The following UBE2L3 variants were observed in gnomAD, a reference collection of about 807,000 sequenced individuals.
The protein encoded by UBE2L3 is ubiquitin-conjugating enzyme E2 L3.
A neutral mutation model predicts 17.8 loss-of-function variants in UBE2L3; 1 was observed. The ratio of observed to expected loss-of-function variants is 0.06; its 90% CI spans 0.02 to 0.27. The LOEUF is 0.27. Ranked by LOEUF, UBE2L3 falls within the 10% of genes least tolerant of loss-of-function variation. UBE2L3 has a pLI of 1.00. For missense variants in UBE2L3, 40 were observed against 192.6 expected (o/e 0.21, Z 4.69); for synonymous variants, 44 against 68.5 (o/e 0.64, Z 1.76).
At chr22:21,568,449 T>G (rs1926768103) in intron 1 of UBE2L3, 1 of 984,446 alleles carries the variant, frequency 1.0e-6, no homozygotes, top group Non-Finnish European at 1.2e-6. Context: ...TCTCCTCCAC[T>G]CAGTCATCCC....
At chr22:21,561,077 A>C (rs60106772) in intron 1 of UBE2L3, among the ~76,000 whole-genome samples, 1,309 of 151,754 alleles carry the variant, frequency 8.6e-3, no homozygotes, top group African/African-American at 0.03. Flanking sequence ...GGAGTCCTTT[A>C]GGTTATCTAA....
At chr22:21,573,355 A>T (rs911335048) in intron 1 of UBE2L3, among the ~76,000 whole-genome samples, 1 of 152,018 alleles carries the variant, frequency 6.6e-6, no homozygotes, top group Non-Finnish European at 1.5e-5. Flanking sequence ...TGCTTTGCAC[A>T]CACACTCTGG....
intron 2 of UBE2L3, among the ~76,000 whole-genome samples, chr22:21,603,618 C>T (rs999917962): frequency 2.7e-5 from 4 of 146,544 alleles, no homozygotes; most frequent in African/African-American, 7.6e-5. Flanking sequence ...CTGAGGCGGG[C>T]GGATCATGAG....
At chr22:21,581,123 TGGC>T (rs1927609341) in intron 1 of UBE2L3, among the ~76,000 whole-genome samples, 1 of 151,576 alleles carries the variant, frequency 6.6e-6, no homozygotes, top group Non-Finnish European at 1.5e-5. Context: ...GGTGCAATCT[TGGC>T]TTATTGCAAC....
Position 21,623,655 on chromosome 22 carries a change from G to A in UBE2L3, c.*1986G>A, listed in dbSNP as rs1568991961. The stretch of plus-strand genomic sequence containing the variant: ...ATACCTGTGTGCCGGCAGCCCCTCA[G>A]GGACTCTCAGCCCTGGCACTGGCAC... On this transcript the variant is annotated 3_prime_UTR_variant, in exon 4 of 4. Coordinates refer to ENST00000342192, the MANE Select transcript of UBE2L3 (RefSeq NM_003347.4). The A allele has an allele frequency of 6.5e-6, 1 of 152,900 alleles. No individual in the cohort carries two copies. 9.5% of individuals were successfully genotyped at this position (152,900 alleles called of 1,614,324 possible). A position where few individuals can be genotyped will look rare whatever the true frequency, so the allele number is the denominator to read the frequency against.
intron 1 of UBE2L3, among the ~76,000 whole-genome samples, chr22:21,582,536 G>GT (rs1411703297): frequency 6.6e-6 from 1 of 150,720 alleles, no homozygotes; most frequent in Non-Finnish European, 1.5e-5. Flanking sequence ...GTAGTTTTTT[G>GT]TTTTTTGAGC....
intron 3 of UBE2L3, among the ~76,000 whole-genome samples, chr22:21,613,317 C>A (rs1395339712): frequency 1.3e-5 from 2 of 152,186 alleles, no homozygotes; most frequent in Non-Finnish European, 2.9e-5. Context: ...CAGACTGTGG[C>A]TGCTTCTCCC....
At chr22:21,590,307 C>G (rs1214662429) in intron 1 of UBE2L3, among the ~76,000 whole-genome samples, 1 of 152,176 alleles carries the variant, frequency 6.6e-6, no homozygotes, top group South Asian at 2.1e-4. Context: ...GAGCGATTCT[C>G]CTGCCTCAGC....
At chr22:21,608,159 C>T (rs1227064350) in intron 2 of UBE2L3, among the ~76,000 whole-genome samples, 1 of 152,204 alleles carries the variant, frequency 6.6e-6, no homozygotes, top group South Asian at 2.1e-4. Flanking sequence ...GGACGTAGAG[C>T]AACAGGAACT....
At chr22:21,593,377 C>T (rs1408173734) in intron 2 of UBE2L3, among the ~76,000 whole-genome samples, 3 of 152,138 alleles carry the variant, frequency 2.0e-5, no homozygotes, top group Non-Finnish European at 4.4e-5. Context: ...ACCTGTATTT[C>T]GGGCTTTATT....
chr22:21,597,538 C>CTTGAA (rs1242475714), intron 2 of UBE2L3, among the ~76,000 whole-genome samples: 2 of 152,030 alleles, frequency 1.3e-5, no homozygotes, highest in East Asian at 3.9e-4. Context: ...CTCAAGTGGT[C>CTTGAA]CTCCTGGCTT....
At chr22:21,576,815 TTTTTTTG>T (rs1311578812) in intron 1 of UBE2L3, among the ~76,000 whole-genome samples, 26 of 148,196 alleles carry the variant, frequency 1.8e-4, no homozygotes, top group African/African-American at 6.0e-4. Context: ...TTTTTTTTTT[TTTTTTTG>T]AGACGCAGTC....
chr22:21,618,004 A>AC (rs1420206704), intron 3 of UBE2L3, among the ~76,000 whole-genome samples: 2 of 151,778 alleles, frequency 1.3e-5, no homozygotes, highest in Non-Finnish European at 2.9e-5. Flanking sequence ...ACATGGTGAA[A>AC]CCCCATCTTT....
chr22:21,609,193 G>C (rs777911948), intron 2 of UBE2L3, among the ~76,000 whole-genome samples: 1 of 151,544 alleles, frequency 6.6e-6, no homozygotes, highest in Admixed American at 6.6e-5. Flanking sequence ...CACCGCGCCC[G>C]GCCGGCAGTT....
At chr22:21,595,383 C>G (rs1928457843) in intron 2 of UBE2L3, among the ~76,000 whole-genome samples, 1 of 152,246 alleles carries the variant, frequency 6.6e-6, no homozygotes, top group Admixed American at 6.5e-5. Context: ...TTTAGGTCTT[C>G]CTGCATTGGA....
At chr22:21,556,614 C>CTTTTTTTTTTTTTTT (rs747912504) in intron 1 of UBE2L3, among the ~76,000 whole-genome samples, 1 of 144,452 alleles carries the variant, frequency 6.9e-6, no homozygotes, top group Non-Finnish European at 1.5e-5. Context: ...TTTCTTTTTT[C>CTTTTTTTTTTTTTTT]TTTTTTTTTT....
At chr22:21,581,048 C>G (rs1201228950) in intron 1 of UBE2L3, among the ~76,000 whole-genome samples, 1 of 148,526 alleles carries the variant, frequency 6.7e-6, no homozygotes, top group Non-Finnish European at 1.5e-5. Context: ...GCCACCATGC[C>G]CGGCTAATTT....
At chr22:21,556,217 T>C (rs541237768) in intron 1 of UBE2L3, among the ~76,000 whole-genome samples, 19 of 152,214 alleles carry the variant, frequency 1.2e-4, no homozygotes, top group Non-Finnish European at 2.2e-4. Flanking sequence ...GGAGACATAG[T>C]GACACCCTGT....
intron 1 of UBE2L3, among the ~76,000 whole-genome samples, chr22:21,553,069 TTGAGACAG>T (rs1465790483): frequency 4.6e-4 from 9 of 19,664 alleles, no homozygotes; most frequent in South Asian, 1.9e-3. Flanking sequence ...TATTTTATTT[TTGAGACAG>T]AGTTTTGCTC....
Sources: gnomAD v4.1 joint callset for allele counts (sites outside exome capture counted in the v4.1 genomes callset) on GRCh38, gnomAD v4.1.1 for gene constraint, MANE v1.5 for transcripts, NCBI Gene and HGNC (gene_info 2026-07-23, HGNC 2026-07-21) for gene names.